TLR4: variants seen among roughly 807,000 people sequenced by gnomAD.
TLR4 encodes the protein toll like receptor 4, also known as toll-like receptor 4.
Under a neutral mutation model 27.4 loss-of-function variants are expected in TLR4, and 17 were observed. That is an observed-to-expected ratio of 0.62 (90% confidence interval 0.42 to 0.93). TLR4 has a LOEUF of 0.93. TLR4 is among the 40% of genes least tolerant of loss of function. The pLI, the probability that TLR4 is intolerant of heterozygous loss-of-function variation, is 0.00. For missense variants in TLR4, 926 were observed against 962.3 expected, an observed-to-expected ratio of 0.96 and a Z score of 0.50; for synonymous variants, 363 against 365.7, an observed-to-expected ratio of 0.99 and a Z score of 0.08.
In TLR4 at chr9:117,716,372, T is replaced by C. The variant is rs117435857; in HGVS notation, c.*1724T>C. 4 of 152,292 alleles carry C rather than the reference T, an allele frequency of 2.6e-5. No homozygotes were observed. In the East Asian group the frequency reaches 7.7e-4, roughly 29 times the overall value. 9.4% of individuals were successfully genotyped at this position (152,292 alleles called of 1,614,324 possible). A position where few individuals can be genotyped will look rare whatever the true frequency, so the allele number is the denominator to read the frequency against. Reference sequence around the variant, plus strand: ...ATGTGCATATACGTACAATGGGATATTATTCAGCCTAAAAAAAGGGGGAAT... The same window carrying C: ...ATGTGCATATACGTACAATGGGATACTATTCAGCCTAAAAAAAGGGGGAAT... On this transcript the variant is annotated 3_prime_UTR_variant, in exon 3 of 3. Coordinates refer to ENST00000355622, the MANE Select transcript of TLR4 (RefSeq NM_138554.5).
At position 117,708,580 on chromosome 9, in the gene TLR4, T is replaced by C; in HGVS notation, c.111T>C (p.Thr37=). 7 of 1,613,868 alleles carry C rather than the reference T, an allele frequency of 4.3e-6. No homozygotes were observed. The highest frequency in any genetic ancestry group is 5.9e-6 in the Non-Finnish European group (7 of 1,179,780). The change falls in exon 2 of 3, where the codon ACT becomes ACC. Residue 37 remains threonine, a synonymous_variant. Transcript: ENST00000355622. ...CATTGCAGGTGGTTCCTAATATTAC[T>C]TATCAATGCATGGAGCTGAATTTCT... is the stretch of plus-strand genomic sequence containing the variant. ...EPCVEVVPNI[T]YQCMELNFYK...
intron 2 of TLR4, among the ~76,000 whole-genome samples, 157 bp from the exon 3 acceptor site, chr9:117,712,232 A>T (rs1308722232): frequency 6.6e-6 from 1 of 151,710 alleles, no homozygotes; most frequent in East Asian, 1.9e-4. Flanking sequence ...TTATTTGCTT[A>T]TTCCATCATC....
rs1467722104 is a variant in TLR4, at chr9:117,713,155, G to A, written c.1027G>A (p.Gly343Arg). The A allele has an allele frequency of 1.9e-6, 3 of 1,613,574 alleles. No homozygotes were observed. The highest frequency in any genetic ancestry group is 1.3e-5 in the African/African-American group (1 of 74,970). Residue 343 changes from glycine (G) to arginine (R), a missense_variant, in exon 3 of 3, where the codon GGA becomes AGA. Gly to Arg is a moderately radical substitution (Grantham distance 125). Transcript: ENST00000355622. ...TTTAGAATTAGTTAACTGTAAATTT[G>A]GACAGTTTCCCACATTGAAACTCAA... ...QHLELVNCKF[G>R]QFPTLKLKSL...
At chr9:117,710,896 C>A (rs539376532) in intron 2 of TLR4, among the ~76,000 whole-genome samples, 88 of 152,248 alleles carry the variant, frequency 5.8e-4, no homozygotes, top group African/African-American at 2.0e-3. Flanking sequence ...TCTTAATACT[C>A]TACTTCTCTA....
rs766848848 is a variant in TLR4 at position 117,714,511 on chromosome 9, C to G, written c.2383C>G (p.Leu795Val). 1.9e-6 allele frequency: 3 copies of G among 1,613,848 alleles called. No individual in the cohort carries two copies. Among genetic ancestry groups the G allele is most frequent in the Non-Finnish European group, 2.5e-6 (3 of 1,180,000 alleles). ...CCGCCTTCTCAGCAGGAACACTTAC[C>G]TGGAGTGGGAGGACAGTGTCCTGGG... ...LYRLLSRNTYLEWEDSVLGRH... is the reference protein window; with the variant it reads ...LYRLLSRNTYVEWEDSVLGRH... Residue 795 changes from leucine to valine, a missense_variant, in exon 3 of 3, where the codon CTG becomes GTG. Coordinates refer to ENST00000355622, the MANE Select transcript of TLR4 (RefSeq NM_138554.5).
chr9:117,717,608 G>A lies in TLR4; in HGVS notation c.*2960G>A, dbSNP rs1014726151. ...CATACATGATTGTTTATCTACAGAT[G>A]TATGCCTCAGTTTCTTAGTATGCTT... On this transcript the variant is annotated 3_prime_UTR_variant, in exon 3 of 3. Coordinates refer to ENST00000355622, the MANE Select transcript of TLR4 (RefSeq NM_138554.5). 2.0e-5 allele frequency: 3 copies of A among 152,102 alleles called. No individual in the cohort carries two copies. Among genetic ancestry groups the A allele is most frequent in the African/African-American group, 7.2e-5 (3 of 41,432 alleles). The allele number at this position is 152,102 out of a possible 1,614,324, so 9.4% of individuals were successfully genotyped here.
rs1323642451 is a variant in TLR4 at position 117,722,733 on chromosome 9, C to T, written c.*8085C>T. 1 of 152,068 alleles carries T rather than the reference C, an allele frequency of 6.6e-6. No individual in the cohort carries two copies. The highest frequency in any genetic ancestry group is 6.6e-5 in the Admixed American group (1 of 15,258). 9.4% of individuals were successfully genotyped at this position (152,068 alleles called of 1,614,324 possible). A position where few individuals can be genotyped will look rare whatever the true frequency, so the allele number is the denominator to read the frequency against. On this transcript the variant is annotated 3_prime_UTR_variant, in exon 3 of 3. Coordinates refer to ENST00000355622, the MANE Select transcript of TLR4 (RefSeq NM_138554.5). ...CGGGAGCGCACCTCTGGGCTCAGGT[C>T]TCTCATTTGTAAAATGGGACATTTA...
chr9:117,708,323 G>T, intron 1 of TLR4: 1 of 1,312,828 alleles, frequency 7.6e-7, no homozygotes, highest in East Asian at 3.3e-5. Flanking sequence ...ACGGAGGTTA[G>T]AATGCTGAGC....
Position 117,720,000 on chromosome 9 carries a change from A to G in TLR4, c.*5352A>G, listed in dbSNP as rs972165359. ...ACTTGCCTTAGGTCACACAGCTTAT[A>G]TTAATCACAATAACATTTGCCGCAC... On this transcript the variant is annotated 3_prime_UTR_variant, in exon 3 of 3. Coordinates refer to ENST00000355622, the MANE Select transcript of TLR4 (RefSeq NM_138554.5). The G allele has an allele frequency of 6.6e-6, 1 of 152,184 alleles. No individual in the cohort carries two copies. Among genetic ancestry groups the G allele is most frequent in the Non-Finnish European group, 1.5e-5 (1 of 68,028 alleles). 9.4% of individuals were successfully genotyped at this position (152,184 alleles called of 1,614,324 possible). A position where few individuals can be genotyped will look rare whatever the true frequency, so the allele number is the denominator to read the frequency against.
rs199700911 is a variant in TLR4, at chr9:117,713,889, C to A, written c.1761C>A (p.His587Gln). ...ATGACTTTGCTTGTACTTGTGAACA[C>A]CAGAGTTTCCTGCAATGGATCAAGG... is the stretch of plus-strand genomic sequence containing the variant. The part of the protein sequence containing the change: ...TQNDFACTCE[H>Q]QSFLQWIKDQ... Residue 587 changes from histidine to glutamine, a missense_variant, in exon 3 of 3, where the codon CAC becomes CAA. His to Gln is a conservative substitution (Grantham distance 24). Transcript: ENST00000355622. 2.2e-5 allele frequency: 36 copies of A among 1,613,912 alleles called. No individual in the cohort carries two copies. The highest frequency in any genetic ancestry group is 2.9e-5 in the Non-Finnish European group (34 of 1,180,026).
chr9:117,714,101 T>C lies in TLR4; in HGVS notation c.1973T>C (p.Leu658Pro). The C allele has an allele frequency of 6.2e-7, 1 of 1,614,122 alleles. No individual in the cohort carries two copies. Among genetic ancestry groups the C allele is most frequent in the Non-Finnish European group, 8.5e-7 (1 of 1,180,006 alleles). The part of the protein sequence containing the change: ...AVLVYKFYFH[L>P]MLLAGCIKYG... ...CTGGTCTATAAGTTCTATTTTCACCTGATGCTTCTTGCTGGCTGCATAAAG... is the reference window on the plus strand; with the variant it reads ...CTGGTCTATAAGTTCTATTTTCACCCGATGCTTCTTGCTGGCTGCATAAAG... Residue 658 changes from leucine to proline, a missense_variant, in exon 3 of 3, where the codon CTG becomes CCG. Leu to Pro is a moderately conservative substitution (Grantham distance 98). Transcript: ENST00000355622.
rs1258063271 is a variant in TLR4, at chr9:117,714,389, C to T, written c.2261C>T (p.Ala754Val). 7 of 1,609,808 alleles carry T rather than the reference C, an allele frequency of 4.3e-6. No homozygotes were observed. Among genetic ancestry groups the T allele is most frequent in the Non-Finnish European group, 6.0e-6 (7 of 1,176,436 alleles). ...SRWCIFEYEI[A>V]QTWQFLSSRA... ...TGGTGTATCTTTGAATATGAGATTG[C>T]TCAGACCTGGCAGTTTCTGAGCAGT... is the stretch of plus-strand genomic sequence containing the variant. The change falls in exon 3 of 3, where the codon GCT (alanine) becomes GTT (valine). Residue 754 changes from alanine to valine, a missense_variant. Physicochemically the swap from Ala to Val is moderately conservative, Grantham distance 64. Coordinates refer to ENST00000355622, the MANE Select transcript of TLR4 (RefSeq NM_138554.5).
intron 2 of TLR4, among the ~76,000 whole-genome samples, chr9:117,711,546 G>T (rs1355458979): frequency 6.6e-6 from 1 of 152,024 alleles, no homozygotes; most frequent in Non-Finnish European, 1.5e-5. Flanking sequence ...ACTCCATATT[G>T]TACACTCCAA....
Position 117,713,573 on chromosome 9 carries a change from C to T in TLR4, c.1445C>T (p.Ser482Phe), listed in dbSNP as rs1253263371. 6.2e-6 allele frequency: 10 copies of T among 1,613,904 alleles called. No individual in the cohort carries two copies. Among genetic ancestry groups the T allele is most frequent in the Non-Finnish European group, 8.5e-6 (10 of 1,180,006 alleles). The change falls in exon 3 of 3, where the codon TCT becomes TTT. Residue 482 changes from serine (S) to phenylalanine (F), a missense_variant. Physicochemically the swap from Ser to Phe is radical, Grantham distance 155. Coordinates refer to ENST00000355622, the MANE Select transcript of TLR4 (RefSeq NM_138554.5). ...GAAGTCTTGAAAATGGCTGGCAATT[C>T]TTTCCAGGAAAACTTCCTTCCAGAT... is the stretch of plus-strand genomic sequence containing the variant. ...SLEVLKMAGN[S>F]FQENFLPDIF...
intron 2 of TLR4, among the ~76,000 whole-genome samples, chr9:117,712,016 C>T (rs1356929211): frequency 6.6e-6 from 1 of 152,188 alleles, no homozygotes; most frequent in African/African-American, 2.4e-5. Context: ...TGTATAATCA[C>T]AATTTTGTGT....
Position 117,717,704 on chromosome 9 carries a change from C to T in TLR4, c.*3056C>T, listed in dbSNP as rs1427076946. The T allele has an allele frequency of 1.3e-5, 2 of 152,046 alleles. No homozygotes were observed. Among genetic ancestry groups the T allele is most frequent in the South Asian group, 2.1e-4 (1 of 4,830 alleles). 9.4% of individuals were successfully genotyped at this position (152,046 alleles called of 1,614,324 possible). The stretch of plus-strand genomic sequence containing the variant: ...TTCTATTCATATTTGAATATGAATT[C>T]TGCATAAGTGTGTTTATTCAAGCAA... On this transcript the variant is annotated 3_prime_UTR_variant, in exon 3 of 3. Coordinates refer to ENST00000355622, the MANE Select transcript of TLR4 (RefSeq NM_138554.5).
At chr9:117,708,932 G>A in intron 2 of TLR4, 1 of 607,286 alleles carries the variant, frequency 1.6e-6, no homozygotes, top group Non-Finnish European at 2.8e-6. Flanking sequence ...GAAGTAGGCA[G>A]TTGGCTGAGA....
rs199755109 is a variant in TLR4 at position 117,716,492 on chromosome 9, A to T, written c.*1844A>T. The T allele has an allele frequency of 6.6e-6, 1 of 152,226 alleles. No individual in the cohort carries two copies. Among genetic ancestry groups the T allele is most frequent in the Non-Finnish European group, 1.5e-5 (1 of 68,026 alleles). The allele number at this position is 152,226 out of a possible 1,614,324, so 9.4% of individuals were successfully genotyped here. A position where few individuals can be genotyped will look rare whatever the true frequency, so the allele number is the denominator to read the frequency against. On this transcript the variant is annotated 3_prime_UTR_variant, in exon 3 of 3. Transcript: ENST00000355622. ...AGACAAATACTGCCTGATTTCATTT[A>T]TATGAGGTTCTAAAATAGTCAAACT...
chr9:117,713,733 G>A lies in TLR4; in HGVS notation c.1605G>A (p.Leu535=). The change falls in exon 3 of 3, where the codon TTG becomes TTA. Residue 535 remains leucine, a synonymous_variant. Transcript: ENST00000355622. Reference sequence around the variant, plus strand: ...TGAGCCACAACAACTTCTTTTCATTGGATACGTTTCCTTATAAGTGTCTGA... The same window carrying A: ...TGAGCCACAACAACTTCTTTTCATTAGATACGTTTCCTTATAAGTGTCTGA... The part of the protein sequence containing the change: ...LNMSHNNFFS[L]DTFPYKCLNS... The A allele has an allele frequency of 2.5e-6, 4 of 1,613,868 alleles. No individual in the cohort carries two copies. The highest frequency in any genetic ancestry group is 3.4e-6 in the Non-Finnish European group (4 of 1,180,010).
Sources: gnomAD v4.1 joint callset for allele counts (sites outside exome capture counted in the v4.1 genomes callset) on GRCh38, gnomAD v4.1.1 for gene constraint, MANE v1.5 for transcripts, NCBI Gene and HGNC (gene_info 2026-07-23, HGNC 2026-07-21) for gene names.